Variants in C8B observed in about 807,000 individuals in gnomAD.
C8B encodes the protein complement component C8 beta chain.
In C8B, 67 loss-of-function variants were observed where a neutral mutation model predicts 64.6. That is an observed-to-expected ratio of 1.04 (90% CI 0.85 to 1.27). The LOEUF (loss-of-function observed/expected upper bound fraction) is 1.27, where lower values mean the gene tolerates loss of function less well. Among genes scored for constraint, C8B ranks in the 50% most tolerant of loss-of-function variants. The pLI is 0.00. For synonymous variants in C8B, 284 were observed against 257.7 expected (o/e 1.10, Z -0.98); for missense variants, 790 against 725.2 (o/e 1.09, Z -1.03).
At chr1:56,962,604 C>A (rs1274228744) in intron 1 of C8B, among the ~76,000 whole-genome samples, 1 of 152,190 alleles carries the variant, frequency 6.6e-6, no homozygotes, top group Non-Finnish European at 1.5e-5. Context: ...TAGAGAAGTA[C>A]AAGAAATAAT....
chr1:56,952,285 T>C, intron 4 of C8B, 105 bp from the exon 5 acceptor site: 1 of 1,496,618 alleles, frequency 6.7e-7, no homozygotes, highest in African/African-American at 1.4e-5. Context: ...GGCACAGCCT[T>C]CAAGGCCCTT....
chr1:56,940,247 A>G (rs145118143), intron 9 of C8B, among the ~76,000 whole-genome samples: 4 of 152,222 alleles, frequency 2.6e-5, no homozygotes, highest in African/African-American at 7.2e-5. Flanking sequence ...TAAATTTTAA[A>G]TAAATTAATA....
chr1:56,935,064 AT>A (rs1260639268), intron 9 of C8B, among the ~76,000 whole-genome samples: 2 of 152,140 alleles, frequency 1.3e-5, no homozygotes, highest in Admixed American at 1.3e-4. Flanking sequence ...TATCAGCCCC[AT>A]TTTCAGGTCA....
At chr1:56,944,041 G>A (rs111462954) in intron 7 of C8B, among the ~76,000 whole-genome samples, 10 of 152,148 alleles carry the variant, frequency 6.6e-5, no homozygotes, top group African/African-American at 2.2e-4. Flanking sequence ...CAGCCTCCCC[G>A]CAACGCTCTC....
At chr1:56,944,428 A>C (rs1644912493) in intron 7 of C8B, among the ~76,000 whole-genome samples, 1 of 152,172 alleles carries the variant, frequency 6.6e-6, no homozygotes, top group South Asian at 2.1e-4. Context: ...CTCTGAGGCC[A>C]GTTCAGGGAG....
intron 7 of C8B, 67 bp from the exon 8 acceptor site, chr1:56,943,891 C>A: frequency 6.3e-7 from 1 of 1,585,334 alleles, no homozygotes. Context: ...TTCCTATGAT[C>A]GAGTCCAGAG....
chr1:56,943,197 C>A (rs184271089), intron 8 of C8B, among the ~76,000 whole-genome samples: 46 of 152,314 alleles, frequency 3.0e-4, no homozygotes, highest in African/African-American at 1.1e-3. Flanking sequence ...TTAGCACTAT[C>A]TAGTCAAATA....
At chr1:56,930,172 ATCT>A (rs1389925061) in intron 11 of C8B, among the ~76,000 whole-genome samples, 1 of 152,236 alleles carries the variant, frequency 6.6e-6, no homozygotes. Context: ...CTGGATAGTT[ATCT>A]TCTTCTCAAA....
Position 56,941,057 on chromosome 1 carries a change from GC to G in C8B, c.1235-46del, listed in dbSNP as rs777936578. The G allele has an allele frequency of 4.4e-6, 7 of 1,607,386 alleles. No individual in the cohort carries two copies. In the Admixed American group the frequency reaches 5.1e-5, roughly 12 times the overall value. On this transcript the variant is annotated intron_variant, in intron 8 of 11. Coordinates refer to ENST00000371237, the MANE Select transcript of C8B (RefSeq NM_000066.4). ...AGCAGGTCACAGAAGATATCCCTTT[GC>G]CCCCTAGAATTTGCTGCAACCCAAC...
intron 9 of C8B, among the ~76,000 whole-genome samples, chr1:56,940,321 A>G (rs991418067): frequency 3.3e-5 from 5 of 151,918 alleles, no homozygotes; most frequent in Non-Finnish European, 7.4e-5. Context: ...TAATCCCAGC[A>G]CTTTGGGAGG....
In C8B at chr1:56,943,784, A is replaced by G; in HGVS notation, c.1146T>C (p.Asp382=). The G allele has an allele frequency of 6.2e-7, 1 of 1,614,150 alleles. No individual in the cohort carries two copies. Among genetic ancestry groups the G allele is most frequent in the South Asian group, 1.1e-5 (1 of 91,084 alleles). The change falls in exon 8 of 12, where the codon GAT becomes GAC. Residue 382 remains aspartate, a synonymous_variant. Transcript: ENST00000371237. ...LNNVHACAKN[D]FKIGGAIEEV... is the part of the protein sequence containing the mutation. ...CTTCAATGGCACCACCAATTTTAAA[A>G]TCATTTTTGGCACAGGCATGGACGT...
chr1:56,958,623 T>G lies in C8B; in HGVS notation c.249+1397A>C, dbSNP rs146494180. Reference sequence around the variant, plus strand: ...TTGCTGAGCCCCCAGCCAGTGACCCTGCAGACAGGGATGATAACCAGCTGA... The same window carrying G: ...TTGCTGAGCCCCCAGCCAGTGACCCGGCAGACAGGGATGATAACCAGCTGA... On this transcript the variant is annotated intron_variant, in intron 2 of 11. Transcript: ENST00000371237. Among the ~76,000 whole-genome samples the G allele has an allele frequency of 8.2e-3, 1,248 of 152,272 alleles. 13 individuals are homozygous for G. The highest frequency in any genetic ancestry group is 0.028 in the African/African-American group (1,176 of 41,546).
chr1:56,961,914 G>A (rs916516716), intron 1 of C8B, among the ~76,000 whole-genome samples: 11 of 152,166 alleles, frequency 7.2e-5, no homozygotes, highest in African/African-American at 2.7e-4. Flanking sequence ...CTACACACCA[G>A]TGGGGGGCTT....
At chr1:56,958,408 A>G (rs1281257791) in intron 2 of C8B, among the ~76,000 whole-genome samples, 1 of 152,114 alleles carries the variant, frequency 6.6e-6, no homozygotes, top group East Asian at 1.9e-4. Context: ...ATAACCATTC[A>G]CCTATGCCCT....
intron 3 of C8B, among the ~76,000 whole-genome samples, chr1:56,955,717 T>C (rs914176742): frequency 3.9e-5 from 6 of 152,174 alleles, no homozygotes; most frequent in African/African-American, 1.4e-4. Context: ...CTGTAAAAAG[T>C]CTCTCAGATT....
intron 8 of C8B, among the ~76,000 whole-genome samples, chr1:56,942,874 C>A (rs1415326126): frequency 1.3e-5 from 2 of 151,522 alleles, no homozygotes; most frequent in Non-Finnish European, 2.9e-5. Flanking sequence ...AGTTTGAGAC[C>A]AGCTGGGCAA....
chr1:56,936,905 T>C (rs1442331927), intron 9 of C8B, among the ~76,000 whole-genome samples: 2 of 152,124 alleles, frequency 1.3e-5, no homozygotes, highest in African/African-American at 4.8e-5. Context: ...TTTTCCTTTT[T>C]GAAATTCAGA....
At chr1:56,964,110 G>T in intron 1 of C8B, 1 of 497,118 alleles carries the variant, frequency 2.0e-6, no homozygotes, top group Non-Finnish European at 2.6e-6. Flanking sequence ...TTGTCACTGA[G>T]GATCAGTTTG....
chr1:56,932,504 G>A (rs1644716316), intron 10 of C8B, among the ~76,000 whole-genome samples: 1 of 152,152 alleles, frequency 6.6e-6, no homozygotes, highest in African/African-American at 2.4e-5. Flanking sequence ...TACAAGGCAA[G>A]GGAGAGTTCA....
Sources: allele counts gnomAD v4.1 joint callset (sites outside exome capture counted in the v4.1 genomes callset), GRCh38; gene constraint gnomAD v4.1.1; transcripts MANE v1.5; gene names NCBI Gene and HGNC (gene_info 2026-07-23, HGNC 2026-07-21).